CAMK1D: variants seen among roughly 807,000 people sequenced by gnomAD.
CAMK1D encodes the protein calcium/calmodulin dependent protein kinase ID.
CAMK1D carries 9 observed loss-of-function variants against 47.7 expected under a neutral mutation model. That is an observed-to-expected ratio of 0.19 (90% confidence interval 0.11 to 0.33). CAMK1D has a LOEUF of 0.33. Ranked by LOEUF, CAMK1D falls within the 10% of genes least tolerant of loss-of-function variation. CAMK1D has a pLI of 1.00. For synonymous variants in CAMK1D, 184 were observed against 184.9 expected, an observed-to-expected ratio of 0.99 and a Z score of 0.04; for missense variants, 291 against 488.7, an observed-to-expected ratio of 0.60 and a Z score of 3.81.
chr10:12,789,429 G>A (rs1370125511), intron 5 of CAMK1D, among the ~76,000 whole-genome samples: 1 of 152,180 alleles, frequency 6.6e-6, no homozygotes, highest in African/African-American at 2.4e-5. Context: ...TCAAATCTCA[G>A]CTCTTTCCTA....
chr10:12,379,841 A>G (rs527426311), intron 1 of CAMK1D, among the ~76,000 whole-genome samples: 2 of 151,998 alleles, frequency 1.3e-5, no homozygotes, highest in South Asian at 4.1e-4. Flanking sequence ...ATACGACTCT[A>G]CTCCTGGCTA....
At chr10:12,617,724 G>C (rs1838867414) in intron 2 of CAMK1D, among the ~76,000 whole-genome samples, 1 of 152,078 alleles carries the variant, frequency 6.6e-6, no homozygotes, top group South Asian at 2.1e-4. Flanking sequence ...TTCTCCTCCA[G>C]ATTGCATGTC....
chr10:12,501,563 G>T (rs1834704141), intron 1 of CAMK1D, among the ~76,000 whole-genome samples: 1 of 152,194 alleles, frequency 6.6e-6, no homozygotes, highest in Non-Finnish European at 1.5e-5. Context: ...GAAATAAAAA[G>T]AAATGAAGAA....
intron 2 of CAMK1D, among the ~76,000 whole-genome samples, chr10:12,602,065 T>C (rs572547557): frequency 2.8e-4 from 43 of 152,322 alleles, no homozygotes; most frequent in African/African-American, 1.0e-3. Flanking sequence ...ATTTGAAGCA[T>C]CTCCCCCAGT....
At position 12,806,120 on chromosome 10, in the gene CAMK1D, G is replaced by A. The variant is rs563525928; in HGVS notation, c.642-8075G>A. On this transcript the variant is annotated intron_variant, in intron 6 of 10. Coordinates refer to ENST00000619168, the MANE Select transcript of CAMK1D (RefSeq NM_153498.4). ...AAGAGCAGCCCTGGGCACAGAGAAC[G>A]GTGTGTAGAAAGGAATTTTCTCGAT... Among the ~76,000 whole-genome samples the A allele has an allele frequency of 2.7e-3, 415 of 152,284 alleles. 1 individual carries two copies. The highest frequency in any genetic ancestry group is 9.6e-3 in the African/African-American group (400 of 41,554).
intron 1 of CAMK1D, among the ~76,000 whole-genome samples, chr10:12,365,690 G>T (rs1018341309): frequency 6.6e-6 from 1 of 150,926 alleles, no homozygotes; most frequent in African/African-American, 2.4e-5. Context: ...TGCCTGCCTC[G>T]GCCTCCCAAA....
chr10:12,779,044 G>A (rs969029809), intron 5 of CAMK1D, among the ~76,000 whole-genome samples: 1 of 152,160 alleles, frequency 6.6e-6, no homozygotes, highest in African/African-American at 2.4e-5. Context: ...CTTCTTGGAG[G>A]ATCTGGGAGA....
At chr10:12,564,932 A>G (rs1338637249) in intron 2 of CAMK1D, among the ~76,000 whole-genome samples, 2 of 152,256 alleles carry the variant, frequency 1.3e-5, no homozygotes, top group African/African-American at 2.4e-5. Context: ...TTGGAGGCCA[A>G]TCACAGTGTC....
At chr10:12,357,504 T>A (rs1431810789) in intron 1 of CAMK1D, among the ~76,000 whole-genome samples, 1 of 152,078 alleles carries the variant, frequency 6.6e-6, no homozygotes, top group Non-Finnish European at 1.5e-5. Flanking sequence ...TTGGTAGAGA[T>A]TATGTTTCAA....
At chr10:12,408,262 C>T (rs1056732493) in intron 1 of CAMK1D, among the ~76,000 whole-genome samples, 2 of 151,880 alleles carry the variant, frequency 1.3e-5, no homozygotes, top group Non-Finnish European at 2.9e-5. Flanking sequence ...CCCGGGCTCA[C>T]GCCATACTCC....
At chr10:12,694,587 A>G (rs978447915) in intron 3 of CAMK1D, among the ~76,000 whole-genome samples, 4 of 86,992 alleles carry the variant, frequency 4.6e-5, no homozygotes, top group African/African-American at 1.8e-4. Flanking sequence ...AATATATCAT[A>G]TATAAATATA....
intron 3 of CAMK1D, among the ~76,000 whole-genome samples, chr10:12,746,851 T>C (rs1835705419): frequency 6.6e-6 from 1 of 152,172 alleles, no homozygotes; most frequent in African/African-American, 2.4e-5. Context: ...TCCTACATTT[T>C]AGAGACCAGA....
intron 2 of CAMK1D, among the ~76,000 whole-genome samples, chr10:12,642,134 A>T (rs1839684734): frequency 1.3e-5 from 2 of 152,070 alleles, no homozygotes; most frequent in Admixed American, 1.3e-4. Flanking sequence ...AATAATGGGC[A>T]TGCAGTTATA....
At position 12,577,901 on chromosome 10, in the gene CAMK1D, T is replaced by G. The variant is rs572616197; in HGVS notation, c.224+24545T>G. Among the ~76,000 whole-genome samples, 66 of 152,336 alleles carry G rather than the reference T, an allele frequency of 4.3e-4. 1 individual carries two copies. In the East Asian group the frequency reaches 0.011, roughly 26 times the overall value. On this transcript the variant is annotated intron_variant, in intron 2 of 10. Transcript: ENST00000619168. ...AGTTATCTACGTAAAAAATCAAAGA[T>G]GGAATCTCCACCTATTCATCCAATC...
intron 3 of CAMK1D, among the ~76,000 whole-genome samples, chr10:12,729,485 T>A (rs1369535003): frequency 1.3e-5 from 2 of 151,974 alleles, no homozygotes; most frequent in Middle Eastern, 3.4e-3. Context: ...AATTTTTTTT[T>A]AAATTAGCCA....
intron 3 of CAMK1D, among the ~76,000 whole-genome samples, chr10:12,733,433 G>A (rs1834985513): frequency 6.6e-6 from 1 of 152,220 alleles, no homozygotes; most frequent in Non-Finnish European, 1.5e-5. Flanking sequence ...TGACCAGGTG[G>A]ATGTCATTAA....
At chr10:12,552,481 A>G (rs1051955054) in intron 1 of CAMK1D, among the ~76,000 whole-genome samples, 2 of 152,136 alleles carry the variant, frequency 1.3e-5, no homozygotes, top group African/African-American at 4.8e-5. Flanking sequence ...CTCTAGATGA[A>G]AAAGCCTGTG....
chr10:12,588,823 C>CACACACACATAT (rs1837902528), intron 2 of CAMK1D, among the ~76,000 whole-genome samples: 1 of 151,302 alleles, frequency 6.6e-6, no homozygotes, highest in Non-Finnish European at 1.5e-5. Context: ...CACACATGCA[C>CACACACACATAT]ATACATATAT....
intron 2 of CAMK1D, among the ~76,000 whole-genome samples, chr10:12,602,290 T>C (rs1838326260): frequency 6.6e-6 from 1 of 152,202 alleles, no homozygotes; most frequent in Non-Finnish European, 1.5e-5. Context: ...GGTCTCAAAC[T>C]CCTGGCCTCA....
Sources: allele counts gnomAD v4.1 joint callset (sites outside exome capture counted in the v4.1 genomes callset), GRCh38; gene constraint gnomAD v4.1.1; transcripts MANE v1.5; gene names NCBI Gene and HGNC (gene_info 2026-07-23, HGNC 2026-07-21).